FBXW4: variants seen among roughly 807,000 people sequenced by gnomAD.
FBXW4 encodes F-box and WD repeat domain containing 4, also known as F-box/WD repeat-containing protein 4.
In FBXW4, 40 loss-of-function variants were observed where a neutral mutation model predicts 61.8. The observed-to-expected ratio is 0.65, with a 90% confidence interval of 0.50 to 0.84. The LOEUF is 0.84. Ranked by LOEUF, FBXW4 falls within the 40% of genes least tolerant of loss-of-function variation. The pLI is 0.00. For missense variants in FBXW4, 672 were observed against 753.8 expected (o/e 0.89, Z 1.27); for synonymous variants, 311 against 313.8 (o/e 0.99, Z 0.10).
rs964998218 is a variant in FBXW4, at chr10:101,694,364, G to A, written c.725+17C>T. 5 of 1,360,436 alleles carry A rather than the reference G, an allele frequency of 3.7e-6. No individual in the cohort carries two copies. In the African/African-American group the frequency reaches 7.7e-5, roughly 21 times the overall value. The allele number at this position is 1,360,436 out of a possible 1,614,324, so 84.3% of individuals were successfully genotyped here. A position where few individuals can be genotyped will look rare whatever the true frequency, so the allele number is the denominator to read the frequency against. On this transcript the variant is annotated intron_variant, in intron 1 of 8. Coordinates refer to ENST00000331272, the MANE Select transcript of FBXW4 (RefSeq NM_022039.4). This position sits in a 1 kb window ranked among gnomAD's most constrained non-coding sequence, Gnocchi z 6.0. ...GCCGGCTCGGGGCGGGGAGCGGGCG[G>A]GCGAGCGGACGCTTACAGGTCGGTG...
intron 4 of FBXW4, among the ~76,000 whole-genome samples, chr10:101,670,495 A>T (rs553714565): frequency 6.6e-6 from 1 of 152,366 alleles, no homozygotes; most frequent in East Asian, 1.9e-4. Context: ...TCTAAGCCAG[A>T]TGTGATCTGA....
At position 101,693,997 on chromosome 10, in the gene FBXW4, G is replaced by C. The variant is rs528246546; in HGVS notation, c.725+384C>G. ...GACCACTTAAGGAACCTGAGTCCTA[G>C]ACCTGGACTCAAGGAATCGTCCAAA... On this transcript the variant is annotated intron_variant, in intron 1 of 8. Transcript: ENST00000331272. 3.0e-4 allele frequency among the ~76,000 whole-genome samples: 46 copies of C among 152,324 alleles called. 1 individual carries two copies. In the South Asian group the frequency reaches 9.3e-3, roughly 31 times the overall value.
intron 5 of FBXW4, among the ~76,000 whole-genome samples, chr10:101,647,492 C>T (rs1489529989): frequency 8.5e-5 from 13 of 152,230 alleles, no homozygotes; most frequent in Admixed American, 6.5e-5. Context: ...GTTCCACCCA[C>T]TCACACCACA....
intron 6 of FBXW4, among the ~76,000 whole-genome samples, chr10:101,613,421 C>T (rs558036636): frequency 2.0e-4 from 31 of 152,354 alleles, no homozygotes; most frequent in Non-Finnish European, 4.0e-4. Context: ...GGCCTGATGC[C>T]TTAGCTTCCT....
intron 5 of FBXW4, among the ~76,000 whole-genome samples, chr10:101,660,509 G>A (rs1185641266): frequency 4.6e-5 from 7 of 152,008 alleles, no homozygotes; most frequent in Non-Finnish European, 7.4e-5. Context: ...TCACCCTCCC[G>A]CCTCCCTCTC....
At chr10:101,654,054 G>A (rs1157555229) in intron 5 of FBXW4, among the ~76,000 whole-genome samples, 1 of 145,080 alleles carries the variant, frequency 6.9e-6, no homozygotes. Context: ...CCTGGAGGCG[G>A]AAGTTGCAGT....
At chr10:101,620,859 G>A (rs2063861908) in intron 6 of FBXW4, among the ~76,000 whole-genome samples, 1 of 152,036 alleles carries the variant, frequency 6.6e-6, no homozygotes, top group Non-Finnish European at 1.5e-5. Flanking sequence ...TGAGATCTAG[G>A]GGTTTCATAA....
At position 101,694,412 on chromosome 10, in the gene FBXW4, T is replaced by C; in HGVS notation, c.694A>G (p.Asn232Asp). ...LWRRIARASL[N>D]SGFTRLGTDL... ...GTGCCGAGCCGCGTGAAGCCGGAGTTGAGCGAGGCCCGGGCTATCCGGCGC... is the reference window on the plus strand; with the variant it reads ...GTGCCGAGCCGCGTGAAGCCGGAGTCGAGCGAGGCCCGGGCTATCCGGCGC... Residue 232 changes from asparagine (N) to aspartate (D), a missense_variant, in exon 1 of 9, where the codon AAC becomes GAC. This residue lies in a region of FBXW4 where 311 missense variants were observed against 301.1 expected (regional missense o/e 1.03). Coordinates refer to ENST00000331272, the MANE Select transcript of FBXW4 (RefSeq NM_022039.4). The surrounding 1 kb of genome is among the most constrained non-coding windows in gnomAD (Gnocchi z 6.0). 6.6e-7 allele frequency: 1 copy of C among 1,506,154 alleles called. No homozygotes were observed. Among genetic ancestry groups the C allele is most frequent in the South Asian group, 1.3e-5 (1 of 79,064 alleles). 93.3% of individuals were successfully genotyped at this position (1,506,154 alleles called of 1,614,324 possible).
chr10:101,643,212 A>G (rs894087534), intron 5 of FBXW4, among the ~76,000 whole-genome samples: 1 of 152,226 alleles, frequency 6.6e-6, no homozygotes, highest in African/African-American at 2.4e-5. Context: ...TGTAATGATT[A>G]GCGTATCTAC....
intron 6 of FBXW4, among the ~76,000 whole-genome samples, chr10:101,621,015 G>T (rs1463232902): frequency 6.6e-6 from 1 of 152,150 alleles, no homozygotes; most frequent in African/African-American, 2.4e-5. Context: ...GGTCACAGTG[G>T]TGTACCCAGC....
At chr10:101,640,674 T>G (rs1267796650) in intron 5 of FBXW4, among the ~76,000 whole-genome samples, 1 of 150,376 alleles carries the variant, frequency 6.6e-6, no homozygotes, top group Non-Finnish European at 1.5e-5. Flanking sequence ...TTTTTTTTTT[T>G]TAAGTAGAGA....
intron 5 of FBXW4, among the ~76,000 whole-genome samples, chr10:101,653,255 G>A (rs2064158916): frequency 6.6e-6 from 1 of 152,104 alleles, no homozygotes; most frequent in African/African-American, 2.4e-5. Flanking sequence ...CTAACAAAGT[G>A]TATTCCTGGA....
At chr10:101,667,266 T>TATAAA (rs1408145941) in intron 5 of FBXW4, among the ~76,000 whole-genome samples, 2 of 150,108 alleles carry the variant, frequency 1.3e-5, no homozygotes, top group Non-Finnish European at 3.0e-5. Flanking sequence ...CATTTCTAAA[T>TATAAA]ATAAAATAAA....
chr10:101,645,002 G>A (rs2064084039), intron 5 of FBXW4, among the ~76,000 whole-genome samples: 1 of 152,220 alleles, frequency 6.6e-6, no homozygotes, highest in East Asian at 1.9e-4. Context: ...CACACTTTTT[G>A]CCTGTTTGCT....
chr10:101,631,715 T>A (rs968867951), intron 5 of FBXW4, among the ~76,000 whole-genome samples: 1 of 151,464 alleles, frequency 6.6e-6, no homozygotes, highest in Non-Finnish European at 1.5e-5. Flanking sequence ...GCAACTTCCG[T>A]CTCCCAGGTT....
intron 1 of FBXW4, among the ~76,000 whole-genome samples, chr10:101,691,561 CT>C (rs2064603400): frequency 6.6e-6 from 1 of 152,162 alleles, no homozygotes; most frequent in African/African-American, 2.4e-5. Flanking sequence ...CATAAATTCA[CT>C]TTCTTTTTTT....
intron 6 of FBXW4, among the ~76,000 whole-genome samples, chr10:101,623,844 A>G (rs1443812526): frequency 2.0e-5 from 3 of 152,248 alleles, no homozygotes; most frequent in Admixed American, 2.0e-4. Context: ...GACATATTGT[A>G]TGATTCCATT....
chr10:101,676,309 A>G, intron 2 of FBXW4, 32 bp downstream of exon 2: 2 of 1,586,150 alleles, frequency 1.3e-6, no homozygotes, highest in Non-Finnish European at 1.7e-6. Context: ...TTATGTCCCA[A>G]GTAGCTTTTA....
intron 5 of FBXW4, among the ~76,000 whole-genome samples, chr10:101,661,043 G>A (rs1214520961): frequency 6.6e-6 from 1 of 152,208 alleles, no homozygotes; most frequent in Non-Finnish European, 1.5e-5. Flanking sequence ...AGACAGAGAT[G>A]GAGAAAGAAA....
Sources: gnomAD v4.1 joint callset for allele counts (sites outside exome capture counted in the v4.1 genomes callset) on GRCh38, gnomAD v4.1.1 for gene constraint, gnomAD v4.1.1 regional missense constraint, Gnocchi (gnomAD v3.1) non-coding constraint, MANE v1.5 for transcripts, NCBI Gene and HGNC (gene_info 2026-07-23, HGNC 2026-07-21) for gene names.